Variants in GTPBP6 observed in about 807,000 individuals in gnomAD.
GTPBP6 encodes the protein GTP binding protein 6, also known as putative GTP-binding protein 6.
Under a neutral mutation model 28.9 loss-of-function variants are expected in GTPBP6, and 33 were observed. The ratio of observed to expected loss-of-function variants is 1.14; its 90% CI spans 0.87 to 1.53. GTPBP6 has a LOEUF of 1.53. GTPBP6 is among the 40% of genes most tolerant of loss of function. The pLI is 0.00. For missense variants in GTPBP6, 507 were observed against 408.3 expected, an observed-to-expected ratio of 1.24 and a Z score of -2.08; for synonymous variants, 231 against 192.7, an observed-to-expected ratio of 1.20 and a Z score of -1.65.
chrX:311,059 G>A (rs749244758), intron 7 of GTPBP6, among the ~76,000 whole-genome samples: 4 of 152,198 alleles, frequency 2.6e-5, no homozygotes, highest in South Asian at 4.2e-4. Context: ...GGCTCACGGC[G>A]GCAAGAACAT....
intron 7 of GTPBP6, among the ~76,000 whole-genome samples, chrX:309,487 C>G (rs1396844032): frequency 1.3e-5 from 2 of 152,092 alleles, no homozygotes; most frequent in Non-Finnish European, 2.9e-5. Flanking sequence ...AGATGTGGGG[C>G]AGACACAGAA....
intron 1 of GTPBP6, among the ~76,000 whole-genome samples, chrX:317,658 C>T (rs1193624530): frequency 6.6e-6 from 1 of 150,616 alleles, no homozygotes; most frequent in African/African-American, 2.5e-5. Flanking sequence ...GCAAGAGAAA[C>T]GTAGGTCCCA....
intron 3 of GTPBP6, 25 bp downstream of exon 3, chrX:315,202 AAC>A (rs1253036297): frequency 2.5e-6 from 1 of 398,560 alleles, no homozygotes; most frequent in African/African-American, 2.1e-5. Context: ...TGCGGGGACA[AAC>A]ACAGCAAGCC....
chrX:314,683 G>A lies in GTPBP6; in HGVS notation c.689+207C>T, dbSNP rs375373563. On this transcript the variant is annotated intron_variant, in intron 4 of 9. Transcript: ENST00000326153. ...AGTACAGACGGGGTTTCACCGTGTT[G>A]GCCAGGATGGTCTCGATCTCGTGAC... Among the ~76,000 whole-genome samples the A allele has an allele frequency of 8.8e-3, 1,331 of 152,108 alleles. 13 individuals carry two copies. The highest frequency in any genetic ancestry group is 0.025 in the African/African-American group (1,042 of 41,502).
chrX:307,434 G>C (rs200210181), exon 9 of GTPBP6: 1 of 1,612,368 alleles, frequency 6.2e-7, no homozygotes, highest in East Asian at 2.2e-5. Context: ...CCGCCGCATC[G>C]AGCTCAGCTT....
rs1162512090 is a variant in GTPBP6, at chrX:315,377, G to C, written c.488-78C>G. The C allele has an allele frequency of 7.5e-6, 3 of 398,436 alleles. No homozygotes were observed. The Admixed American group carries it at 1.3e-4, about 18-fold the overall frequency. The allele number at this position is 398,436 out of a possible 1,614,324, so 24.7% of individuals were successfully genotyped here. ...GTGGGATGAGCCCACCATACCCTTT[G>C]TGGGATGCACCGCGGAGAGCTCACT... On this transcript the variant is annotated intron_variant, in intron 2 of 9. Coordinates refer to ENST00000326153, the Ensembl canonical transcript of GTPBP6.
At chrX:310,200 G>C (rs6600240) in intron 7 of GTPBP6, among the ~76,000 whole-genome samples, 14,051 of 86,096 alleles carry the variant, frequency 0.16, 720 homozygotes, top group South Asian at 0.32. Context: ...ATGTGATTAA[G>C]TGGAAGATCT....
intron 7 of GTPBP6, among the ~76,000 whole-genome samples, chrX:308,182 G>A (rs28434617): frequency 0.1 from 15,488 of 152,000 alleles, 775 homozygotes; most frequent in East Asian, 0.17. Context: ...CCACCCAGGG[G>A]GTCTTCATTC....
Position 314,624 on chromosome X carries a change from C to T in GTPBP6, c.689+266G>A, listed in dbSNP as rs745354624. ...AGTAGCTGGGATTTCAGGCGCCCGC[C>T]ACCACGCCCGGCTAATTTTTTTCTT... On this transcript the variant is annotated intron_variant, in intron 4 of 9. Coordinates refer to ENST00000326153, the Ensembl canonical transcript of GTPBP6. 1.0e-2 allele frequency among the ~76,000 whole-genome samples: 1,517 copies of T among 152,198 alleles called. 13 individuals are homozygous for T. The highest frequency in any genetic ancestry group is 0.015 in the Non-Finnish European group (996 of 67,978).
intron 9 of GTPBP6, among the ~76,000 whole-genome samples, chrX:306,632 ACTGT>A (rs1018977261): frequency 1.8e-4 from 26 of 146,812 alleles, no homozygotes; most frequent in Admixed American, 1.5e-3. Context: ...GTACATTTTG[ACTGT>A]CAGCACAGAT....
At chrX:315,423 C>G (rs2070411510) in intron 2 of GTPBP6, 124 bp from the exon 3 acceptor site, 1 of 398,402 alleles carries the variant, frequency 2.5e-6, no homozygotes. Context: ...CCCCGACTTC[C>G]TGAGCACGAG....
At chrX:307,537 C>A (rs1167792708) in intron 8 of GTPBP6, 25 bp from the exon 9 acceptor site, 8 of 1,607,952 alleles carry the variant, frequency 5.0e-6, no homozygotes, top group Non-Finnish European at 6.8e-6. Flanking sequence ...ATGTCACAGG[C>A]CCCGCTCAGC....
chrX:314,094 C>T (rs1241231763), intron 5 of GTPBP6, 56 bp downstream of exon 5: 3 of 1,274,042 alleles, frequency 2.4e-6, no homozygotes, highest in African/African-American at 2.0e-5. Flanking sequence ...AGGGTGGCTG[C>T]CGCTGACAAC....
intron 4 of GTPBP6, among the ~76,000 whole-genome samples, chrX:314,496 G>C (rs1336987191): frequency 6.7e-6 from 1 of 149,632 alleles, no homozygotes; most frequent in African/African-American, 2.5e-5. Context: ...TTTTTTAGAC[G>C]GAGTCTCGCT....
intron 6 of GTPBP6, 102 bp from the exon 7 acceptor site, chrX:311,729 G>T: frequency 1.0e-6 from 1 of 961,610 alleles, no homozygotes; most frequent in Non-Finnish European, 1.6e-6. Flanking sequence ...CCCTCTGGGG[G>T]GCCGCACCCC....
rs1485998911 is a variant in GTPBP6, at chrX:315,311, A to C, written c.488-12T>G. The C allele has an allele frequency of 7.5e-6, 3 of 398,356 alleles. No homozygotes were observed. Among genetic ancestry groups the C allele is most frequent in the Non-Finnish European group, 1.3e-5 (3 of 225,988 alleles). 24.7% of individuals were successfully genotyped at this position (398,356 alleles called of 1,614,324 possible). On this transcript the variant is annotated splice_polypyrimidine_tract_variant and intron_variant, in intron 2 of 9. Transcript: ENST00000326153. ...CCCTCGGATCTTTTCTAACAGAAAGAGGGGGTCCCGTCAGAGGCTGGCCGT... is the reference window on the plus strand; with the variant it reads ...CCCTCGGATCTTTTCTAACAGAAAGCGGGGGTCCCGTCAGAGGCTGGCCGT...
At chrX:307,073 C>G (rs1189534240) in intron 9 of GTPBP6, among the ~76,000 whole-genome samples, 1 of 151,900 alleles carries the variant, frequency 6.6e-6, no homozygotes, top group Non-Finnish European at 1.5e-5. Flanking sequence ...ACAGATTAGG[C>G]ACCCGTTGTA....
exon 7 of GTPBP6, chrX:311,431 G>T (rs781196934): frequency 7.3e-7 from 1 of 1,370,746 alleles, no homozygotes; most frequent in South Asian, 1.5e-5. Flanking sequence ...AGTGGGCCAC[G>T]TCTTCCAGGG....
At chrX:307,038 CAG>C (rs1384900037) in intron 9 of GTPBP6, among the ~76,000 whole-genome samples, 1 of 149,244 alleles carries the variant, frequency 6.7e-6, no homozygotes, top group Non-Finnish European at 1.5e-5. Flanking sequence ...TGTATGCAGT[CAG>C]AAATGTATTT....
Sources: allele counts gnomAD v4.1 joint callset (sites outside exome capture counted in the v4.1 genomes callset), GRCh38; gene constraint gnomAD v4.1.1; transcripts MANE v1.5; gene names NCBI Gene and HGNC (gene_info 2026-07-23, HGNC 2026-07-21).